The following TTC29 variants were observed in gnomAD, a reference collection of about 807,000 sequenced individuals.
The protein encoded by TTC29 is tetratricopeptide repeat protein 29.
Under a neutral mutation model 58.1 loss-of-function variants are expected in TTC29, and 49 were observed. The ratio of observed to expected loss-of-function variants is 0.84; its 90% CI spans 0.67 to 1.07. The LOEUF (loss-of-function observed/expected upper bound fraction) is 1.07. Among genes scored for constraint, TTC29 ranks in the 50% least tolerant of loss-of-function variants. The pLI is 0.00. For missense variants in TTC29, 582 were observed against 555.6 expected (o/e 1.05, Z -0.48); for synonymous variants, 209 against 196.8 (o/e 1.06, Z -0.52).
intron 11 of TTC29, among the ~76,000 whole-genome samples, chr4:146,721,647 T>G (rs1743364497): frequency 6.6e-6 from 1 of 152,032 alleles, no homozygotes; most frequent in Non-Finnish European, 1.5e-5. Context: ...ACAGAGTGAG[T>G]TAACGCATCT....
intron 11 of TTC29, among the ~76,000 whole-genome samples, chr4:146,762,010 T>A (rs1424644129): frequency 2.0e-5 from 3 of 151,992 alleles, no homozygotes; most frequent in Non-Finnish European, 4.4e-5. Flanking sequence ...ACCTTGTGTT[T>A]TTTTTCTGGG....
At chr4:146,897,990 T>C (rs1732891466) in intron 6 of TTC29, among the ~76,000 whole-genome samples, 2 of 152,178 alleles carry the variant, frequency 1.3e-5, no homozygotes, top group Admixed American at 6.5e-5. Context: ...TGATAGAATT[T>C]ATTGTTTTTT....
intron 11 of TTC29, among the ~76,000 whole-genome samples, chr4:146,714,784 A>C (rs1052296981): frequency 6.6e-6 from 1 of 152,152 alleles, no homozygotes; most frequent in African/African-American, 2.4e-5. Flanking sequence ...GATCTATGTA[A>C]ACAAATGAAG....
At chr4:146,836,768 A>T (rs991782418) in intron 8 of TTC29, among the ~76,000 whole-genome samples, 2 of 152,168 alleles carry the variant, frequency 1.3e-5, no homozygotes, top group Non-Finnish European at 2.9e-5. Flanking sequence ...TGATCATTAG[A>T]GAAATGCAAA....
chr4:146,930,754 T>C (rs1735278913), intron 4 of TTC29, among the ~76,000 whole-genome samples: 1 of 152,172 alleles, frequency 6.6e-6, no homozygotes. Context: ...GCCCCATACA[T>C]TGAGAGTGAT....
chr4:146,878,841 C>A (rs185964483), intron 6 of TTC29, among the ~76,000 whole-genome samples: 19 of 152,230 alleles, frequency 1.2e-4, no homozygotes, highest in Admixed American at 4.6e-4. Context: ...ATATAACCAG[C>A]TATATCTGAA....
chr4:146,883,520 G>A (rs1731774824), intron 6 of TTC29, among the ~76,000 whole-genome samples: 1 of 151,848 alleles, frequency 6.6e-6, no homozygotes, highest in South Asian at 2.1e-4. Flanking sequence ...GGCACTAATT[G>A]GAAACAGCAC....
intron 11 of TTC29, among the ~76,000 whole-genome samples, chr4:146,777,082 G>A (rs1302144930): frequency 2.0e-5 from 3 of 152,224 alleles, no homozygotes; most frequent in Non-Finnish European, 2.9e-5. Context: ...GTTCGGATGA[G>A]TGCTCTTGCA....
At chr4:146,918,676 A>T (rs1267623612) in intron 4 of TTC29, among the ~76,000 whole-genome samples, 2 of 151,216 alleles carry the variant, frequency 1.3e-5, no homozygotes, top group Admixed American at 6.6e-5. Context: ...CCTTAATAAC[A>T]TAAAGGCATT....
At chr4:146,887,363 G>A (rs781463618) in intron 6 of TTC29, among the ~76,000 whole-genome samples, 4 of 152,096 alleles carry the variant, frequency 2.6e-5, no homozygotes, top group Admixed American at 6.6e-5. Flanking sequence ...TATGTAGCTT[G>A]TAGATACATC....
In TTC29 at chr4:146,742,591, TCC is replaced by T. The variant is rs1287615502; in HGVS notation, c.1331-35042_1331-35041del. Among the ~76,000 whole-genome samples the T allele has an allele frequency of 7.8e-4, 6 of 7,692 alleles. No individual in the cohort carries two copies. In the East Asian group the frequency reaches 0.083, roughly 107 times the overall value. The allele number at this position is 7,692 out of a possible 152,430, so 5.0% of individuals were successfully genotyped here. On this transcript the variant is annotated intron_variant, in intron 11 of 12. Transcript: ENST00000325106. ...TCCCTCACCCACTTCCTTCCTTCCC[TCC>T]CTTCCTTCCCTCCCTTCCTTCCCTC...
At chr4:146,727,506 C>G (rs114731539) in intron 11 of TTC29, among the ~76,000 whole-genome samples, 2,443 of 152,290 alleles carry the variant, frequency 0.016, 70 homozygotes, top group African/African-American at 0.055. Context: ...GCCAATTAAT[C>G]TTTCCCTCCC....
At chr4:146,938,139 C>A (rs1184832205) in intron 3 of TTC29, among the ~76,000 whole-genome samples, 1 of 152,064 alleles carries the variant, frequency 6.6e-6, no homozygotes, top group East Asian at 1.9e-4. Flanking sequence ...TTTTTAATCA[C>A]ACATAAAACT....
At chr4:146,758,772 TA>T (rs1746644509) in intron 11 of TTC29, among the ~76,000 whole-genome samples, 1 of 152,002 alleles carries the variant, frequency 6.6e-6, no homozygotes, top group Non-Finnish European at 1.5e-5. Context: ...AGATGGAAAT[TA>T]AAAAATTCTT....
At chr4:146,760,756 A>G (rs904421782) in intron 11 of TTC29, among the ~76,000 whole-genome samples, 14 of 145,740 alleles carry the variant, frequency 9.6e-5, no homozygotes, top group Admixed American at 1.4e-4. Context: ...ATATATGTGT[A>G]TATATATATA....
At chr4:146,901,452 T>C (rs1733143192) in intron 6 of TTC29, among the ~76,000 whole-genome samples, 1 of 152,216 alleles carries the variant, frequency 6.6e-6, no homozygotes, top group Admixed American at 6.5e-5. Flanking sequence ...ATTTGGAGTT[T>C]CCTGTATTAA....
At chr4:146,731,709 TAAA>T (rs1322330197) in intron 11 of TTC29, among the ~76,000 whole-genome samples, 1 of 152,180 alleles carries the variant, frequency 6.6e-6, no homozygotes, top group Non-Finnish European at 1.5e-5. Flanking sequence ...GGTAAAATAT[TAAA>T]ATTATCCTCT....
intron 5 of TTC29, among the ~76,000 whole-genome samples, chr4:146,904,172 G>A (rs1733362363): frequency 6.6e-6 from 1 of 152,126 alleles, no homozygotes; most frequent in Non-Finnish European, 1.5e-5. Flanking sequence ...AATGAAGAGA[G>A]CAAAATGGAT....
At chr4:146,810,342 G>A (rs1399054617) in intron 10 of TTC29, among the ~76,000 whole-genome samples, 3 of 152,002 alleles carry the variant, frequency 2.0e-5, no homozygotes, top group African/African-American at 2.4e-5. Context: ...ACCATGGCAC[G>A]TGTATACCTA....
Sources: gnomAD v4.1 joint callset for allele counts (sites outside exome capture counted in the v4.1 genomes callset) on GRCh38, gnomAD v4.1.1 for gene constraint, MANE v1.5 for transcripts, NCBI Gene and HGNC (gene_info 2026-07-23, HGNC 2026-07-21) for gene names.